SENP6: variants seen among roughly 807,000 people sequenced by gnomAD.
The protein encoded by SENP6 is SUMO specific peptidase 6, also known as sentrin-specific protease 6.
SENP6 carries 41 observed loss-of-function variants against 134.5 expected under a neutral mutation model. That is an observed-to-expected ratio of 0.30 (90% confidence interval 0.24 to 0.40). The LOEUF (loss-of-function observed/expected upper bound fraction) is 0.40, where lower values mean the gene tolerates loss of function less well. SENP6 is among the 10% of genes least tolerant of loss of function. SENP6 has a pLI of 1.00. For synonymous variants in SENP6, 395 were observed against 429.8 expected (o/e 0.92, Z 1.00); for missense variants, 1,248 against 1,312.5 (o/e 0.95, Z 0.76).
rs556393895 is a variant in SENP6 at position 75,662,839 on chromosome 6, T to C, written c.697-382T>C. Among the ~76,000 whole-genome samples the C allele has an allele frequency of 2.1e-4, 32 of 152,312 alleles. 1 individual carries two copies. In the East Asian group the frequency reaches 6.2e-3, roughly 29 times the overall value. On this transcript the variant is annotated intron_variant, in intron 8 of 23. Coordinates refer to ENST00000447266, the MANE Select transcript of SENP6 (RefSeq NM_015571.4). Reference sequence around the variant, plus strand: ...CATTTAGATTTGCCCTCTTTACCTTTATTATAGATACTAAAGTAATGGAGC... The same window carrying C: ...CATTTAGATTTGCCCTCTTTACCTTCATTATAGATACTAAAGTAATGGAGC...
chr6:75,674,014 C>G (rs1772885676), intron 11 of SENP6, among the ~76,000 whole-genome samples: 1 of 152,040 alleles, frequency 6.6e-6, no homozygotes, highest in African/African-American at 2.4e-5. Flanking sequence ...GAGTGAGACT[C>G]ATTCTCAAAT....
In SENP6 at chr6:75,702,884, A is replaced by G. The variant is rs1775135111; in HGVS notation, c.2528A>G (p.Gln843Arg). Residue 843 changes from glutamine (Q) to arginine (R), a missense_variant, in exon 19 of 24, where the codon CAG becomes CGG. By Grantham distance (43) the Gln-to-Arg change is conservative (BLOSUM62 1). This residue lies in a region of SENP6 where 386 missense variants were observed against 395.0 expected (regional missense o/e 0.98). Transcript: ENST00000447266. ...GCTGTAATTGATTCCAATCCTGGGC[A>G]GGAAGAAAGTGACCCTCGTTATAAG... Reference protein sequence around the residue: ...CIAVIDSNPGQEESDPRYKRN... With the variant: ...CIAVIDSNPGREESDPRYKRN... 6.2e-7 allele frequency: 1 copy of G among 1,614,086 alleles called. No homozygotes were observed. Among genetic ancestry groups the G allele is most frequent in the Non-Finnish European group, 8.5e-7 (1 of 1,180,034 alleles).
chr6:75,620,786 G>A (rs902682117), intron 1 of SENP6: 1 of 152,278 alleles, frequency 6.6e-6, no homozygotes, highest in African/African-American at 2.4e-5. Context: ...CACCAAGTCA[G>A]AGCGTTGCCC....
chr6:75,637,566 T>A (rs1010650359), intron 5 of SENP6, among the ~76,000 whole-genome samples: 1 of 152,166 alleles, frequency 6.6e-6, no homozygotes. Context: ...GCCCCTAACT[T>A]CAATCTGACT....
At chr6:75,697,722 A>T (rs1008380563) in intron 18 of SENP6, 12 of 456,336 alleles carry the variant, frequency 2.6e-5, no homozygotes, top group Non-Finnish European at 2.4e-5. Flanking sequence ...GAGACAATAG[A>T]CCAGATACCT....
intron 8 of SENP6, among the ~76,000 whole-genome samples, chr6:75,662,164 G>A (rs983925514): frequency 2.0e-5 from 3 of 152,160 alleles, no homozygotes; most frequent in African/African-American, 7.2e-5. Flanking sequence ...CTTATTAAGT[G>A]CAGTTGGTTA....
At chr6:75,629,291 T>C (rs1458083615) in intron 3 of SENP6, among the ~76,000 whole-genome samples, 2 of 152,038 alleles carry the variant, frequency 1.3e-5, no homozygotes, top group East Asian at 3.9e-4. Context: ...CAATACAGCC[T>C]TTTTTTATTT....
chr6:75,693,419 A>AAC (rs1554181778), intron 16 of SENP6, among the ~76,000 whole-genome samples: 3 of 151,476 alleles, frequency 2.0e-5, no homozygotes, highest in African/African-American at 7.3e-5. Flanking sequence ...TAAAAAAAAA[A>AAC]AAAAAAAAAA....
At position 75,622,896 on chromosome 6, in the gene SENP6, C is replaced by T. The variant is rs1235250047; in HGVS notation, c.147-1004C>T. 5.2e-5 allele frequency: 50 copies of T among 961,982 alleles called. 1 individual carries two copies. In the Admixed American group the frequency reaches 1.5e-3, roughly 29 times the overall value. The allele number at this position is 961,982 out of a possible 1,614,324, so 59.6% of individuals were successfully genotyped here. ...TTTAAAGTCAGTATTTTATGGTTTT[C>T]TTTCTTTCATTTCTTTTATACTTTT... On this transcript the variant is annotated intron_variant, in intron 2 of 23. Coordinates refer to ENST00000447266, the MANE Select transcript of SENP6 (RefSeq NM_015571.4).
chr6:75,702,251 T>C (rs914158673), intron 18 of SENP6, among the ~76,000 whole-genome samples: 18 of 151,356 alleles, frequency 1.2e-4, no homozygotes, highest in African/African-American at 4.4e-4. Context: ...AGTCTTGCTT[T>C]GTCACCCCCA....
chr6:75,695,956 T>G (rs945530216), intron 17 of SENP6, 33 bp downstream of exon 17: 1 of 1,544,792 alleles, frequency 6.5e-7, no homozygotes, highest in East Asian at 2.3e-5. Flanking sequence ...TTAACAGATG[T>G]AAGTCACTCA....
At chr6:75,607,855 G>C (rs1010209987) in intron 1 of SENP6, among the ~76,000 whole-genome samples, 1 of 152,116 alleles carries the variant, frequency 6.6e-6, no homozygotes, top group Non-Finnish European at 1.5e-5. Flanking sequence ...AACCCAATCA[G>C]TTTGCCAGTT....
intron 7 of SENP6, among the ~76,000 whole-genome samples, chr6:75,656,382 C>T (rs1041185098): frequency 4.6e-5 from 7 of 152,062 alleles, no homozygotes; most frequent in Admixed American, 1.3e-4. Flanking sequence ...TTAAGTACTT[C>T]TCTGGAGTAA....
intron 5 of SENP6, among the ~76,000 whole-genome samples, chr6:75,640,087 T>TAC (rs1189005841): frequency 1.3e-5 from 2 of 152,308 alleles, no homozygotes; most frequent in Admixed American, 1.3e-4. Flanking sequence ...GGGAAGTACA[T>TAC]ACTATTTATA....
At chr6:75,653,468 C>T (rs1028628983) in intron 7 of SENP6, among the ~76,000 whole-genome samples, 3 of 152,042 alleles carry the variant, frequency 2.0e-5, no homozygotes, top group African/African-American at 4.8e-5. Flanking sequence ...TCCAAAAGTC[C>T]TTGTAGATTT....
chr6:75,675,317 T>C (rs1773004020), intron 11 of SENP6, 118 bp from the exon 12 acceptor site: 1 of 595,442 alleles, frequency 1.7e-6, no homozygotes, highest in Non-Finnish European at 2.9e-6. Context: ...CCAACTTCTC[T>C]GTGGGATTTT....
intron 9 of SENP6, among the ~76,000 whole-genome samples, chr6:75,665,012 C>T (rs963390229): frequency 2.0e-5 from 3 of 152,130 alleles, no homozygotes; most frequent in Admixed American, 1.3e-4. Flanking sequence ...TTAGGCTGGG[C>T]GCATTGGGTC....
intron 1 of SENP6, among the ~76,000 whole-genome samples, chr6:75,620,323 T>C (rs1292359113): frequency 6.6e-6 from 1 of 152,182 alleles, no homozygotes; most frequent in Admixed American, 6.5e-5. Flanking sequence ...TTCGGGCTGC[T>C]GTATTGAAGT....
intron 19 of SENP6, among the ~76,000 whole-genome samples, chr6:75,703,677 G>A (rs1045218629): frequency 6.6e-6 from 1 of 152,054 alleles, no homozygotes; most frequent in East Asian, 1.9e-4. Flanking sequence ...AGGGAGGATC[G>A]CTTGAGCTCA....
Sources: allele counts gnomAD v4.1 joint callset (sites outside exome capture counted in the v4.1 genomes callset), GRCh38; gene constraint gnomAD v4.1.1; regional missense constraint gnomAD v4.1.1; transcripts MANE v1.5; gene names NCBI Gene and HGNC (gene_info 2026-07-23, HGNC 2026-07-21).